SSPN: variants seen among roughly 807,000 people sequenced by gnomAD.
SSPN encodes the protein K-ras oncogene-associated protein.
In SSPN, 15 loss-of-function variants were observed where a neutral mutation model predicts 19.1. The observed-to-expected ratio is 0.78, with a 90% CI of 0.52 to 1.21. The LOEUF (loss-of-function observed/expected upper bound fraction) is 1.21. Ranked by LOEUF, SSPN falls within the 50% of genes most tolerant of loss-of-function variation. The pLI is 0.00. For synonymous variants in SSPN, 147 were observed against 140.3 expected, an observed-to-expected ratio of 1.05 and a Z score of -0.34; for missense variants, 291 against 314.0, an observed-to-expected ratio of 0.93 and a Z score of 0.55.
At chr12:26,157,964 C>G (rs1399606538) in intron 1 of SSPN, among the ~76,000 whole-genome samples, 1 of 151,974 alleles carries the variant, frequency 6.6e-6, no homozygotes, top group Non-Finnish European at 1.5e-5. Context: ...TACCTTATGA[C>G]CTGTGGTAAA....
At chr12:26,124,236 G>A in intron 1 of SSPN, 1 of 1,159,624 alleles carries the variant, frequency 8.6e-7, no homozygotes, top group South Asian at 1.3e-5. Context: ...TTCACTTATT[G>A]GATATTACCC....
At chr12:26,148,172 C>T (rs1360938866) in intron 1 of SSPN, among the ~76,000 whole-genome samples, 1 of 152,164 alleles carries the variant, frequency 6.6e-6, no homozygotes, top group Non-Finnish European at 1.5e-5. Context: ...TCTGCACAGG[C>T]CCTGCTGTCT....
chr12:26,205,631 C>T (rs955331066), intron 1 of SSPN, among the ~76,000 whole-genome samples: 1 of 152,298 alleles, frequency 6.6e-6, no homozygotes, highest in Non-Finnish European at 1.5e-5. Context: ...TGGAGGTGCT[C>T]TTCTCTCAGG....
intron 1 of SSPN, among the ~76,000 whole-genome samples, chr12:26,160,869 A>G (rs180884477): frequency 6.6e-6 from 1 of 152,270 alleles, no homozygotes; most frequent in Non-Finnish European, 1.5e-5. Context: ...GCACTTTGGG[A>G]GGCCAAGGGG....
At chr12:26,191,854 A>C (rs1456726151), upstream of SSPN, among the ~76,000 whole-genome samples, 1 of 152,208 alleles carries the variant, frequency 6.6e-6, no homozygotes, top group Non-Finnish European at 1.5e-5. Flanking sequence ...ATACTTCTTT[A>C]AATCAAATCT....
chr12:26,205,966 A>G (rs1170405180), intron 1 of SSPN, among the ~76,000 whole-genome samples: 1 of 152,218 alleles, frequency 6.6e-6, no homozygotes, highest in African/African-American at 2.4e-5. Context: ...TTCGGTGTGC[A>G]TTAAGGGCTT....
intron 1 of SSPN, among the ~76,000 whole-genome samples, chr12:26,141,672 A>G (rs1591846798): frequency 6.6e-6 from 1 of 152,180 alleles, no homozygotes; most frequent in Admixed American, 6.6e-5. Context: ...AGAATATGAA[A>G]TTGTCTTACT....
At chr12:26,223,697 C>T (rs1385071117) in intron 1 of SSPN, among the ~76,000 whole-genome samples, 4 of 152,136 alleles carry the variant, frequency 2.6e-5, no homozygotes, top group African/African-American at 9.7e-5. Flanking sequence ...CATAATATCA[C>T]CTACCTTATA....
intron 1 of SSPN, among the ~76,000 whole-genome samples, chr12:26,134,796 A>G (rs997206679): frequency 1.5e-4 from 22 of 151,648 alleles, no homozygotes; most frequent in Non-Finnish European, 3.2e-4. Context: ...AGTACTGCAT[A>G]TTTACTTCTT....
intron 1 of SSPN, among the ~76,000 whole-genome samples, chr12:26,131,388 C>T (rs138168055): frequency 6.6e-5 from 10 of 152,344 alleles, no homozygotes; most frequent in Middle Eastern, 3.4e-3. Context: ...TGTCTTTTTA[C>T]GTAGCAGACC....
rs546851789 is a variant in SSPN at position 26,231,873 on chromosome 12, A to T, written c.*797A>T. 3.4e-6 allele frequency: 3 copies of T among 878,970 alleles called. No individual in the cohort carries two copies. The highest frequency in any genetic ancestry group is 1.2e-4 in the East Asian group (1 of 8,292). The allele number at this position is 878,970 out of a possible 1,614,324, so 54.4% of individuals were successfully genotyped here. A position where few individuals can be genotyped will look rare whatever the true frequency, so the allele number is the denominator to read the frequency against. On this transcript the variant is annotated 3_prime_UTR_variant, in exon 3 of 3. Transcript: ENST00000242729. ...TAAAACTAATTTCTAGCTAATTGTT[A>T]ATTATAATTATGCTCAGAAGTCTAT...
Position 26,199,868 on chromosome 12 carries a change from G to T in SSPN, c.279+3917G>T, listed in dbSNP as rs535539710. On this transcript the variant is annotated intron_variant, in intron 1 of 2. Coordinates refer to ENST00000242729, the MANE Select transcript of SSPN (RefSeq NM_005086.5). ...CTGGAGGAGATCTCCAGATCCTGAT[G>T]GACATGTGCCCTTATTATATCTGAC... 1.7e-4 allele frequency among the ~76,000 whole-genome samples: 26 copies of T among 152,286 alleles called. No homozygotes were observed. In the South Asian group the frequency reaches 3.7e-3, roughly 22 times the overall value.
chr12:26,200,900 A>G (rs1944871099), intron 1 of SSPN, among the ~76,000 whole-genome samples: 1 of 151,096 alleles, frequency 6.6e-6, no homozygotes, highest in Admixed American at 6.6e-5. Flanking sequence ...TCTCCACTGA[A>G]TACATAGAAC....
chr12:26,124,791 G>T, intron 1 of SSPN: 1 of 1,614,154 alleles, frequency 6.2e-7, no homozygotes, highest in Non-Finnish European at 8.5e-7. Context: ...TTCAACTGCT[G>T]TTCGTTTCCT....
In SSPN at chr12:26,195,882, G is replaced by A. The variant is rs768518146; in HGVS notation, c.210G>A (p.Val70=). ...QLALGIAVTV[V]GFLMASISSS... Reference sequence around the variant, plus strand: ...CCCTGGGCATCGCCGTGACCGTGGTGGGCTTCCTCATGGCGAGCATCAGCT... The same window carrying A: ...CCCTGGGCATCGCCGTGACCGTGGTAGGCTTCCTCATGGCGAGCATCAGCT... The change falls in exon 1 of 3, where the codon GTG becomes GTA. Residue 70 remains valine, a synonymous_variant. Coordinates refer to ENST00000242729, the MANE Select transcript of SSPN (RefSeq NM_005086.5). 14 of 1,575,932 alleles carry A rather than the reference G, an allele frequency of 8.9e-6. 1 individual carries two copies. Among genetic ancestry groups the A allele is most frequent in the Admixed American group, 7.2e-5 (4 of 55,456 alleles).
intron 1 of SSPN, chr12:26,214,835 T>G (rs1945029102): frequency 6.6e-6 from 1 of 152,126 alleles, no homozygotes; most frequent in African/African-American, 2.4e-5. Context: ...GAAGGGGATA[T>G]CATTCATAAT....
intron 1 of SSPN, among the ~76,000 whole-genome samples, chr12:26,128,084 G>A (rs1345020643): frequency 6.6e-6 from 1 of 152,216 alleles, no homozygotes; most frequent in African/African-American, 2.4e-5. Flanking sequence ...CCCAGAGCCA[G>A]GATTTAAGCC....
At chr12:26,158,418 G>A (rs1355890191) in intron 1 of SSPN, among the ~76,000 whole-genome samples, 1 of 152,116 alleles carries the variant, frequency 6.6e-6, no homozygotes, top group African/African-American at 2.4e-5. Flanking sequence ...CCCAAGTTCT[G>A]TAAACAGACT....
At chr12:26,152,493 CTA>C (rs760707955) in intron 1 of SSPN, among the ~76,000 whole-genome samples, 3 of 152,138 alleles carry the variant, frequency 2.0e-5, no homozygotes, top group Non-Finnish European at 2.9e-5. Flanking sequence ...TTAGAAGTCA[CTA>C]TGTCAGGGTA....
Sources: allele counts gnomAD v4.1 joint callset (sites outside exome capture counted in the v4.1 genomes callset), GRCh38; gene constraint gnomAD v4.1.1; transcripts MANE v1.5; gene names NCBI Gene and HGNC (gene_info 2026-07-23, HGNC 2026-07-21).